The following KDM7A variants were observed in gnomAD, a reference collection of about 807,000 sequenced individuals.
KDM7A encodes the protein lysine demethylase 7A, also known as lysine-specific demethylase 7A.
A neutral mutation model predicts 114.8 loss-of-function variants in KDM7A; 28 were observed. The observed-to-expected ratio is 0.24, with a 90% CI of 0.18 to 0.33. KDM7A has a LOEUF of 0.33. Among genes scored for constraint, KDM7A ranks in the 10% least tolerant of loss-of-function variants. The pLI is 1.00. For missense variants in KDM7A, 942 were observed against 1,142.5 expected (o/e 0.82, Z 2.53); for synonymous variants, 423 against 397.8 (o/e 1.06, Z -0.75).
intron 1 of KDM7A, among the ~76,000 whole-genome samples, chr7:140,161,452 A>G (rs1472159212): frequency 6.6e-6 from 1 of 152,182 alleles, no homozygotes; most frequent in African/African-American, 2.4e-5. Flanking sequence ...TTTTAAAACT[A>G]TTCTGTAGGG....
At chr7:140,163,905 CAAAA>C (rs1472190482) in intron 1 of KDM7A, among the ~76,000 whole-genome samples, 4 of 151,942 alleles carry the variant, frequency 2.6e-5, no homozygotes, top group Non-Finnish European at 5.9e-5. Context: ...AGTAACAAAT[CAAAA>C]AGAAATTTTC....
intron 6 of KDM7A, 119 bp downstream of exon 6, chr7:140,126,516 TAA>T (rs11303092): frequency 0.025 from 10,073 of 401,212 alleles, no homozygotes; most frequent in Middle Eastern, 0.043. Context: ...GGTTAAAAAG[TAA>T]AAAAAAAAAA....
At chr7:140,096,871 T>TA in intron 16 of KDM7A, 28 bp downstream of exon 16, 1 of 1,605,694 alleles carries the variant, frequency 6.2e-7, no homozygotes. Flanking sequence ...TACAATATAA[T>TA]AAGACTTACT....
At chr7:140,133,940 A>C (rs540246565) in intron 2 of KDM7A, among the ~76,000 whole-genome samples, 1 of 152,346 alleles carries the variant, frequency 6.6e-6, no homozygotes, top group African/African-American at 2.4e-5. Flanking sequence ...GTCCACACTT[A>C]TAGATACTAT....
intron 15 of KDM7A, 92 bp downstream of exon 15, chr7:140,097,453 G>A: frequency 1.4e-6 from 1 of 702,284 alleles, no homozygotes; most frequent in Non-Finnish European, 2.5e-6. Context: ...CAAGCTTTGA[G>A]AAAAGCTGTC....
rs750533390 is a variant in KDM7A, at chr7:140,094,126, T to C, written c.2387A>G (p.Lys796Arg). The change falls in exon 18 of 20, where the codon AAG becomes AGG. Residue 796 changes from lysine (K) to arginine (R), a missense_variant. Around this residue, in one of 4 missense-constraint regions of KDM7A, gnomAD observed 512 missense variants for 576.6 expected, o/e 0.89. Coordinates refer to ENST00000397560, the MANE Select transcript of KDM7A (RefSeq NM_030647.2). ...AGTCCTCAAGTCTGGATCTTCAGTC[T>C]TGACATGGTATCCTAAAGAGAAGTT... ...DKPVECGYHV[K>R]TEDPDLRTSS... 6.9e-6 allele frequency: 11 copies of C among 1,589,256 alleles called. No individual in the cohort carries two copies. In the South Asian group the frequency reaches 1.1e-4, roughly 16 times the overall value.
chr7:140,101,177 T>C (rs1164783000), intron 12 of KDM7A, among the ~76,000 whole-genome samples: 1 of 152,084 alleles, frequency 6.6e-6, no homozygotes, highest in Non-Finnish European at 1.5e-5. Context: ...CTTCTTGGGA[T>C]GTAAAAGTAT....
chr7:140,166,852 T>A (rs1794581719), intron 1 of KDM7A, among the ~76,000 whole-genome samples: 1 of 152,222 alleles, frequency 6.6e-6, no homozygotes, highest in Non-Finnish European at 1.5e-5. Context: ...AACTCTCTAT[T>A]TGTATATTAC....
rs1190568272 is a variant in KDM7A at position 140,124,727 on chromosome 7, T to C, written c.945A>G (p.Glu315=). The C allele has an allele frequency of 4.3e-6, 7 of 1,613,094 alleles. No homozygotes were observed. Among genetic ancestry groups the C allele is most frequent in the East Asian group, 2.2e-5 (1 of 44,860 alleles). Reference sequence around the variant, plus strand: ...TCTGGGTCACAGATGAACTCCAAGATTCATAACGTGCCAAATTTTCATCTG... The same window carrying C: ...TCTGGGTCACAGATGAACTCCAAGACTCATAACGTGCCAAATTTTCATCTG... ...KPTDENLARY[E]SWSSSVTQSE... is the part of the protein sequence containing the mutation. The change falls in exon 7 of 20, where the codon GAA becomes GAG. Residue 315 remains glutamate (E), a synonymous_variant. Transcript: ENST00000397560.
chr7:140,113,045 C>T (rs1818458127), intron 10 of KDM7A, among the ~76,000 whole-genome samples: 1 of 152,220 alleles, frequency 6.6e-6, no homozygotes, highest in African/African-American at 2.4e-5. Context: ...TTCACCAGTT[C>T]TCTTGGGCAA....
chr7:140,150,372 C>A (rs1238298376), intron 1 of KDM7A, among the ~76,000 whole-genome samples: 2 of 152,140 alleles, frequency 1.3e-5, no homozygotes, highest in African/African-American at 4.8e-5. Context: ...TTTCTAAATC[C>A]CTTTAACACT....
At chr7:140,096,412 T>C (rs1022700238) in intron 17 of KDM7A, 143 bp downstream of exon 17, 2 of 640,984 alleles carry the variant, frequency 3.1e-6, no homozygotes, top group Non-Finnish European at 5.4e-6. Flanking sequence ...TATGTCAGCA[T>C]TGTGCTTTTT....
At chr7:140,169,397 A>T (rs1794613688) in intron 1 of KDM7A, among the ~76,000 whole-genome samples, 1 of 152,194 alleles carries the variant, frequency 6.6e-6, no homozygotes, top group South Asian at 2.1e-4. Context: ...CTTACTCATA[A>T]GCCTCCACTT....
At chr7:140,127,157 C>T (rs1246615173) in intron 5 of KDM7A, among the ~76,000 whole-genome samples, 1 of 152,164 alleles carries the variant, frequency 6.6e-6, no homozygotes. Flanking sequence ...GAGGGGGTTA[C>T]GCCATGTTGG....
At chr7:140,100,660 TTATA>T (rs1244353345) in intron 12 of KDM7A, among the ~76,000 whole-genome samples, 1,143 of 111,094 alleles carry the variant, frequency 0.01, 21 homozygotes, top group South Asian at 0.017. Context: ...TTTTAAAAAG[TTATA>T]TATATATATA....
chr7:140,172,946 A>G (rs1319383110), intron 1 of KDM7A, among the ~76,000 whole-genome samples: 2 of 152,160 alleles, frequency 1.3e-5, no homozygotes, highest in East Asian at 1.9e-4. Flanking sequence ...GTACTTTCCG[A>G]TTTTTCCTTA....
At position 140,176,772 on chromosome 7, in the gene KDM7A, C is replaced by A; in HGVS notation, c.166G>T (p.Asp56Tyr). Reference protein sequence around the residue: ...YDVNRFMIECDICKDWFHGSC... With the variant: ...YDVNRFMIECYICKDWFHGSC... ...CCGTGGAACCAGTCCTTGCAGATATCGCACTCGATCATGAAGCGGTTCACG... is the reference window on the plus strand; with the variant it reads ...CCGTGGAACCAGTCCTTGCAGATATAGCACTCGATCATGAAGCGGTTCACG... Residue 56 changes from aspartate to tyrosine, a missense_variant, in exon 1 of 20, where the codon GAT (aspartate) becomes TAT (tyrosine). This residue lies in a region of KDM7A where 112 missense variants were observed against 96.2 expected (regional missense o/e 1.16). Coordinates refer to ENST00000397560, the MANE Select transcript of KDM7A (RefSeq NM_030647.2). This position sits in a 1 kb window ranked among gnomAD's most constrained non-coding sequence, Gnocchi z 4.4. 1 of 1,410,524 alleles carries A rather than the reference C, an allele frequency of 7.1e-7. No homozygotes were observed. Among genetic ancestry groups the A allele is most frequent in the Non-Finnish European group, 9.4e-7 (1 of 1,059,268 alleles). 87.4% of individuals were successfully genotyped at this position (1,410,524 alleles called of 1,614,324 possible). A position where few individuals can be genotyped will look rare whatever the true frequency, so the allele number is the denominator to read the frequency against.
intron 1 of KDM7A, among the ~76,000 whole-genome samples, chr7:140,162,352 A>C (rs1022035743): frequency 1.3e-5 from 2 of 152,052 alleles, no homozygotes; most frequent in African/African-American, 4.8e-5. Context: ...AAAAAAAAAA[A>C]ATTACTAACT....
intron 10 of KDM7A, among the ~76,000 whole-genome samples, chr7:140,112,622 A>G (rs74486984): frequency 2.6e-5 from 4 of 152,130 alleles, no homozygotes; most frequent in Admixed American, 2.6e-4. Flanking sequence ...AAAAAAAAAA[A>G]GAAATTAATA....
Sources: gnomAD v4.1 joint callset for allele counts (sites outside exome capture counted in the v4.1 genomes callset) on GRCh38, gnomAD v4.1.1 for gene constraint, gnomAD v4.1.1 regional missense constraint, Gnocchi (gnomAD v3.1) non-coding constraint, MANE v1.5 for transcripts, NCBI Gene and HGNC (gene_info 2026-07-23, HGNC 2026-07-21) for gene names.